MED12L: variants seen among roughly 807,000 people sequenced by gnomAD.
The protein encoded by MED12L is mediator of RNA polymerase II transcription subunit 12-like protein.
In MED12L, 60 loss-of-function variants were observed where a neutral mutation model predicts 281.3. The observed-to-expected ratio is 0.21, with a 90% CI of 0.17 to 0.26. MED12L has a LOEUF of 0.26. Among genes scored for constraint, MED12L ranks in the 10% least tolerant of loss-of-function variants. The pLI is 1.00. For synonymous variants in MED12L, 974 were observed against 987.2 expected (o/e 0.99, Z 0.25); for missense variants, 2,146 against 2,680.9 (o/e 0.80, Z 4.41).
At chr3:151,300,521 G>T (rs1316977379) in intron 16 of MED12L, among the ~76,000 whole-genome samples, 1 of 152,192 alleles carries the variant, frequency 6.6e-6, no homozygotes, top group East Asian at 1.9e-4. Context: ...TTCCCCTGCA[G>T]CTGGGTCTGT....
intron 16 of MED12L, among the ~76,000 whole-genome samples, chr3:151,298,996 T>C (rs1433468737): frequency 6.6e-6 from 1 of 152,226 alleles, no homozygotes; most frequent in Non-Finnish European, 1.5e-5. Flanking sequence ...TACATAGCTG[T>C]CTTGCTGGAT....
In MED12L at chr3:151,390,152, C is replaced by A. The variant is rs781435936; in HGVS notation, c.5608+17C>A. ...TTACTCCAGGTATGTGATGAGAAAG[C>A]ACAGATCACTCAGAGATGAGAAACA... On this transcript the variant is annotated intron_variant, in intron 38 of 44. Coordinates refer to ENST00000687756, the MANE Select transcript of MED12L (RefSeq NM_001393769.1). 3 of 1,613,038 alleles carry A rather than the reference C, an allele frequency of 1.9e-6. No individual in the cohort carries two copies. The highest frequency in any genetic ancestry group is 1.7e-6 in the Non-Finnish European group (2 of 1,179,138).
intron 16 of MED12L, among the ~76,000 whole-genome samples, chr3:151,297,580 A>G (rs1745273803): frequency 6.6e-6 from 1 of 152,180 alleles, no homozygotes; most frequent in South Asian, 2.1e-4. Context: ...ATACAAATAT[A>G]TTAGTTCATG....
chr3:151,385,644 A>G (rs1219819140), intron 36 of MED12L, among the ~76,000 whole-genome samples: 2 of 151,636 alleles, frequency 1.3e-5, no homozygotes, highest in African/African-American at 2.4e-5. Context: ...TAAGGCTGCA[A>G]TGTGCTAGGC....
rs574275092 is a variant in MED12L, at chr3:151,347,692, G to A, written c.2251-2367G>A. On this transcript the variant is annotated intron_variant, in intron 16 of 44. Coordinates refer to ENST00000687756, the MANE Select transcript of MED12L (RefSeq NM_001393769.1). ...GCAGTTCGGTGTGGGTGTGGGGGAT[G>A]TGCAGAGGAGGAGGGGAAGTCTAGC... 9.2e-5 allele frequency among the ~76,000 whole-genome samples: 14 copies of A among 152,294 alleles called. No individual in the cohort carries two copies. In the South Asian group the frequency reaches 2.9e-3, roughly 32 times the overall value.
chr3:151,251,669 A>G (rs777777375), intron 16 of MED12L, among the ~76,000 whole-genome samples: 6 of 152,184 alleles, frequency 3.9e-5, no homozygotes, highest in African/African-American at 7.2e-5. Flanking sequence ...GCAACACTCA[A>G]TTGTTTGAAC....
At chr3:151,348,340 CAAAAAAA>C (rs11382065) in intron 16 of MED12L, among the ~76,000 whole-genome samples, 49 of 87,816 alleles carry the variant, frequency 5.6e-4, no homozygotes, top group African/African-American at 8.9e-4. Flanking sequence ...ACCACCAGAC[CAAAAAAA>C]AAAAAAAAAA....
chr3:151,209,222 G>T (rs1341596923), intron 16 of MED12L, among the ~76,000 whole-genome samples: 1 of 152,204 alleles, frequency 6.6e-6, no homozygotes, highest in East Asian at 1.9e-4. Flanking sequence ...AGCAGGGGGA[G>T]ATAGGAATGC....
intron 2 of MED12L, among the ~76,000 whole-genome samples, chr3:151,101,765 A>G (rs568184262): frequency 6.6e-6 from 1 of 152,218 alleles, no homozygotes; most frequent in South Asian, 2.1e-4. Context: ...TCACTAGCTC[A>G]TGCCTAATAA....
At chr3:151,384,030 A>G (rs1193219785) in intron 34 of MED12L, 53 bp from the exon 35 acceptor site, 1 of 1,565,870 alleles carries the variant, frequency 6.4e-7, no homozygotes, top group Non-Finnish European at 8.7e-7. Context: ...ACTCAGTTAA[A>G]TAAGTGTATT....
intron 16 of MED12L, among the ~76,000 whole-genome samples, chr3:151,308,319 A>G (rs926414009): frequency 1.3e-5 from 2 of 152,094 alleles, no homozygotes; most frequent in African/African-American, 2.4e-5. Context: ...GTTGTGAGTA[A>G]TAAGAATTTT....
At chr3:151,252,724 A>G (rs149930199) in intron 16 of MED12L, among the ~76,000 whole-genome samples, 1 of 152,256 alleles carries the variant, frequency 6.6e-6, no homozygotes, top group East Asian at 1.9e-4. Context: ...TTTTGTACAT[A>G]TTCAGTTTGC....
intron 16 of MED12L, among the ~76,000 whole-genome samples, chr3:151,339,350 G>T (rs1751478109): frequency 6.7e-6 from 1 of 148,912 alleles, no homozygotes; most frequent in African/African-American, 2.5e-5. Flanking sequence ...TTGCCTGTTA[G>T]AATCCTAAAG....
chr3:151,277,954 C>T (rs902515564), intron 16 of MED12L, among the ~76,000 whole-genome samples: 1 of 152,174 alleles, frequency 6.6e-6, no homozygotes, highest in East Asian at 1.9e-4. Flanking sequence ...TTTTAATACA[C>T]ATTTACGAGC....
chr3:151,313,609 G>A (rs1429754730), intron 16 of MED12L, among the ~76,000 whole-genome samples: 1 of 152,092 alleles, frequency 6.6e-6, no homozygotes, highest in Non-Finnish European at 1.5e-5. Context: ...ACTTTGGGAG[G>A]CCGAGATGGG....
At chr3:151,173,096 T>C (rs1721631873) in intron 11 of MED12L, among the ~76,000 whole-genome samples, 2 of 152,106 alleles carry the variant, frequency 1.3e-5, no homozygotes, top group Non-Finnish European at 2.9e-5. Flanking sequence ...TTTAACTTTT[T>C]TGTGTGTGTT....
intron 17 of MED12L, among the ~76,000 whole-genome samples, chr3:151,354,701 A>G (rs1316920742): frequency 6.6e-6 from 1 of 152,216 alleles, no homozygotes; most frequent in African/African-American, 2.4e-5. Flanking sequence ...ACAGTAACAC[A>G]TTGGAATACT....
chr3:151,345,494 C>T (rs891449396), intron 16 of MED12L, among the ~76,000 whole-genome samples: 18 of 146,358 alleles, frequency 1.2e-4, no homozygotes, highest in Non-Finnish European at 1.9e-4. Flanking sequence ...AAGGCTTCTA[C>T]GTTTTCTTTC....
Position 151,425,867 on chromosome 3 carries a change from T to C in MED12L, c.6409-4432T>C, listed in dbSNP as rs575414187. The stretch of plus-strand genomic sequence containing the variant: ...TGAGGGAATGGATGATAACTTCAGC[T>C]GATCTTTGAAGGATGAGTAGATTTA... On this transcript the variant is annotated intron_variant, in intron 43 of 44. Coordinates refer to ENST00000687756, the MANE Select transcript of MED12L (RefSeq NM_001393769.1). 9.5e-5 allele frequency: 39 copies of C among 409,460 alleles called. No homozygotes were observed. The East Asian group carries it at 2.8e-3, about 29-fold the overall frequency. The allele number at this position is 409,460 out of a possible 1,614,324, so 25.4% of individuals were successfully genotyped here.
Sources: allele counts gnomAD v4.1 joint callset (sites outside exome capture counted in the v4.1 genomes callset), GRCh38; gene constraint gnomAD v4.1.1; transcripts MANE v1.5; gene names NCBI Gene and HGNC (gene_info 2026-07-23, HGNC 2026-07-21).